Variants in CADM2 observed in about 807,000 individuals in gnomAD.
CADM2 encodes the protein cell adhesion molecule 2.
In CADM2, 12 loss-of-function variants were observed where a neutral mutation model predicts 49.8. The observed-to-expected ratio is 0.24, with a 90% confidence interval of 0.15 to 0.39. CADM2 has a LOEUF of 0.39. CADM2 is among the 10% of genes least tolerant of loss of function. CADM2 has a pLI of 1.00. For synonymous variants in CADM2, 214 were observed against 175.4 expected, an observed-to-expected ratio of 1.22 and a Z score of -1.74; for missense variants, 378 against 492.3, an observed-to-expected ratio of 0.77 and a Z score of 2.20.
At chr3:85,935,925 T>C in intron 7 of CADM2, 68 bp downstream of exon 7, 1 of 854,086 alleles carries the variant, frequency 1.2e-6, no homozygotes, top group Non-Finnish European at 1.9e-6. Context: ...TTACAGCCTT[T>C]AACTGTAGAA....
At chr3:85,738,373 C>A (rs1007040318) in intron 2 of CADM2, among the ~76,000 whole-genome samples, 1 of 151,980 alleles carries the variant, frequency 6.6e-6, no homozygotes, top group African/African-American at 2.4e-5. Flanking sequence ...ATATTTTTTC[C>A]TTATAAAACT....
intron 3 of CADM2, among the ~76,000 whole-genome samples, chr3:85,880,895 A>G (rs559035043): frequency 5.9e-5 from 9 of 152,244 alleles, no homozygotes; most frequent in African/African-American, 2.2e-4. Flanking sequence ...GGTTTCACTC[A>G]GCTTCTTGAT....
At chr3:85,930,392 A>G (rs1162835859) in intron 6 of CADM2, among the ~76,000 whole-genome samples, 3 of 152,156 alleles carry the variant, frequency 2.0e-5, no homozygotes, top group Non-Finnish European at 4.4e-5. Context: ...AAACGAAATA[A>G]GCACATCATG....
At chr3:85,859,942 G>A (rs1577495493) in intron 3 of CADM2, among the ~76,000 whole-genome samples, 1 of 151,996 alleles carries the variant, frequency 6.6e-6, no homozygotes, top group Non-Finnish European at 1.5e-5. Context: ...CATTCTCCTT[G>A]AAGTGAGATT....
chr3:85,694,408 G>C (rs1196708851), intron 1 of CADM2, among the ~76,000 whole-genome samples: 1 of 152,138 alleles, frequency 6.6e-6, no homozygotes, highest in East Asian at 1.9e-4. Flanking sequence ...ATGGACATCT[G>C]CTATTTAGGG....
At chr3:85,225,786 G>C (rs1480047621) in intron 1 of CADM2, among the ~76,000 whole-genome samples, 1 of 152,150 alleles carries the variant, frequency 6.6e-6, no homozygotes, top group East Asian at 1.9e-4. Flanking sequence ...TCAGTACCTA[G>C]TTTAGTGAGA....
At chr3:85,151,163 C>T (rs1246291609) in intron 1 of CADM2, among the ~76,000 whole-genome samples, 1 of 151,964 alleles carries the variant, frequency 6.6e-6, no homozygotes, top group Non-Finnish European at 1.5e-5. Flanking sequence ...ATCAATGTTG[C>T]CTTTGATTTT....
intron 1 of CADM2, among the ~76,000 whole-genome samples, chr3:85,679,808 TA>T (rs779507407): frequency 1.2e-4 from 19 of 152,242 alleles, no homozygotes; most frequent in Admixed American, 3.3e-4. Context: ...GGAATTTGAA[TA>T]AAAACCATAG....
intron 1 of CADM2, among the ~76,000 whole-genome samples, chr3:85,714,520 G>A (rs569488869): frequency 2.6e-5 from 4 of 151,902 alleles, no homozygotes; most frequent in South Asian, 2.1e-4. Flanking sequence ...TCCACCTCCC[G>A]GGTTCACACC....
chr3:85,333,960 AAAT>A (rs1172481893), intron 1 of CADM2, among the ~76,000 whole-genome samples: 1 of 151,748 alleles, frequency 6.6e-6, no homozygotes, highest in Non-Finnish European at 1.5e-5. Context: ...TATATGAGTA[AAAT>A]AATGTTTTTT....
At chr3:85,978,286 G>A (rs1727040997) in intron 8 of CADM2, among the ~76,000 whole-genome samples, 1 of 151,228 alleles carries the variant, frequency 6.6e-6, no homozygotes, top group Admixed American at 6.6e-5. Context: ...AAGGAAAGAG[G>A]ATTTGGGCAT....
At chr3:85,918,319 A>G (rs773596200) in intron 6 of CADM2, among the ~76,000 whole-genome samples, 6 of 152,124 alleles carry the variant, frequency 3.9e-5, no homozygotes, top group African/African-American at 1.4e-4. Context: ...TTATTTTGAG[A>G]TATGTCCTAT....
intron 2 of CADM2, among the ~76,000 whole-genome samples, chr3:85,791,353 C>T (rs917346152): frequency 6.6e-6 from 1 of 151,988 alleles, no homozygotes; most frequent in Non-Finnish European, 1.5e-5. Context: ...GTTTAGAATG[C>T]CTTCAGTAAT....
chr3:85,836,978 G>T (rs2074437721), intron 3 of CADM2, among the ~76,000 whole-genome samples: 4 of 151,504 alleles, frequency 2.6e-5, no homozygotes, highest in African/African-American at 9.7e-5. Flanking sequence ...AATTACATAG[G>T]AGGGATCATT....
At chr3:85,918,379 G>A (rs910635947) in intron 6 of CADM2, among the ~76,000 whole-genome samples, 4 of 152,082 alleles carry the variant, frequency 2.6e-5, no homozygotes, top group Non-Finnish European at 2.9e-5. Flanking sequence ...GTTGAATTTT[G>A]TCAAAGGCCT....
chr3:85,728,985 T>C (rs2067822653), intron 2 of CADM2, among the ~76,000 whole-genome samples: 1 of 152,160 alleles, frequency 6.6e-6, no homozygotes, highest in Admixed American at 6.6e-5. Context: ...AGCATAGACA[T>C]AATATACCTG....
intron 1 of CADM2, among the ~76,000 whole-genome samples, chr3:85,022,641 G>A (rs1463013403): frequency 1.3e-5 from 2 of 151,964 alleles, no homozygotes; most frequent in East Asian, 1.9e-4. Context: ...ATACCGCTTT[G>A]TAACCTGCCA....
Position 85,436,265 on chromosome 3 carries a change from T to C in CADM2, c.62-290257T>C, listed in dbSNP as rs140025154. Among the ~76,000 whole-genome samples the C allele has an allele frequency of 1.6e-3, 244 of 152,250 alleles. 1 individual carries two copies. Among genetic ancestry groups the C allele is most frequent in the African/African-American group, 5.4e-3 (224 of 41,556 alleles). On this transcript the variant is annotated intron_variant, in intron 1 of 9. Coordinates refer to ENST00000383699, the MANE Select transcript of CADM2 (RefSeq NM_001167675.2). ...TAGGAATGCTTGAGATTTTTGAACA[T>C]TGATTTTGTATTCTTAGACTTTGCT...
chr3:85,244,296 G>C (rs1402748141), intron 1 of CADM2, among the ~76,000 whole-genome samples: 1 of 151,874 alleles, frequency 6.6e-6, no homozygotes, highest in Non-Finnish European at 1.5e-5. Flanking sequence ...TGTCTCTCTT[G>C]GGCCCTTTTG....
Sources: allele counts gnomAD v4.1 joint callset (sites outside exome capture counted in the v4.1 genomes callset), GRCh38; gene constraint gnomAD v4.1.1; transcripts MANE v1.5; gene names NCBI Gene and HGNC (gene_info 2026-07-23, HGNC 2026-07-21).